Variants in SYTL5 observed in about 807,000 individuals in gnomAD.
SYTL5 encodes synaptotagmin like 5.
SYTL5 carries 34 observed loss-of-function variants against 55.9 expected under a neutral mutation model. The observed-to-expected ratio is 0.61, with a 90% confidence interval of 0.46 to 0.81. The LOEUF (loss-of-function observed/expected upper bound fraction) is 0.81. Ranked by LOEUF, SYTL5 falls within the 30% of genes least tolerant of loss-of-function variation. The probability of loss-of-function intolerance (pLI) is 0.00; values close to 1 mark genes in which losing one functional copy is unlikely to be tolerated. For synonymous variants in SYTL5, 221 were observed against 188.7 expected (o/e 1.17, Z -1.40); for missense variants, 637 against 546.7 (o/e 1.17, Z -1.65).
intron 5 of SYTL5, among the ~76,000 whole-genome samples, chrX:38,074,113 A>G (rs1332831309): frequency 8.9e-6 from 1 of 111,790 alleles, no homozygotes; most frequent in Non-Finnish European, 1.9e-5. Flanking sequence ...AGCTTAAAGC[A>G]CCATATTCCC....
chrX:37,964,240 C>T, the SYTL5 span, among the ~76,000 whole-genome samples: 1 of 111,749 alleles, frequency 8.9e-6, no homozygotes, highest in African/African-American at 3.3e-5. Context: ...AGAGAGCAGA[C>T]CTTCACTAGA....
At chrX:37,925,120 G>A in the SYTL5 span, among the ~76,000 whole-genome samples, 2 of 111,209 alleles carry the variant, frequency 1.8e-5, no homozygotes, top group African/African-American at 6.5e-5. Flanking sequence ...AATATGTGCT[G>A]TTTGTCTTCT....
intron 14 of SYTL5, among the ~76,000 whole-genome samples, chrX:38,121,068 T>C (rs900919775): frequency 3.2e-4 from 35 of 111,006 alleles, no homozygotes; most frequent in African/African-American, 1.1e-3. Context: ...TGGCAGAAGG[T>C]GAAGGTGGAG....
chrX:38,102,236 T>G lies in SYTL5; in HGVS notation c.1063-106T>G, dbSNP rs1937103980. ...GGAATGGAGTGATTTCTAGAAATTT[T>G]TTATCTGATTCTCAAATATTTATGA... On this transcript the variant is annotated intron_variant, in intron 9 of 16. Coordinates refer to ENST00000297875, the MANE Select transcript of SYTL5 (RefSeq NM_138780.3). 4 of 516,049 alleles carry G rather than the reference T, an allele frequency of 7.8e-6. No individual in the cohort carries two copies. The Admixed American group carries it at 1.3e-4, about 17-fold the overall frequency. The allele number at this position is 516,049 out of a possible 1,213,427, so 42.5% of individuals were successfully genotyped here.
At chrX:37,973,108 C>A in the SYTL5 span, among the ~76,000 whole-genome samples, 1 of 110,911 alleles carries the variant, frequency 9.0e-6, no homozygotes, top group South Asian at 3.8e-4. Flanking sequence ...ATAGACTTTG[C>A]AGGGGAATTT....
chrX:38,068,433 T>C (rs370140980), intron 3 of SYTL5, among the ~76,000 whole-genome samples: 3 of 112,164 alleles, frequency 2.7e-5, no homozygotes, highest in Admixed American at 1.9e-4. Context: ...ACTGGGTATA[T>C]ACCCAAAGGA....
Position 38,128,376 on chromosome X carries a change from T to A in SYTL5, c.*1646T>A, listed in dbSNP as rs1937718144. On this transcript the variant is annotated 3_prime_UTR_variant, in exon 17 of 17. Coordinates refer to ENST00000297875, the MANE Select transcript of SYTL5 (RefSeq NM_138780.3). The stretch of plus-strand genomic sequence containing the variant: ...GAAATTTGGAGCAGAGTCTGATTAC[T>A]TGAGCATGAACATACCCGACCAAGG... 2 of 111,726 alleles carry A rather than the reference T, an allele frequency of 1.8e-5. No homozygotes were observed. The highest frequency in any genetic ancestry group is 7.5e-4 in the South Asian group (2 of 2,662). The allele number at this position is 111,726 out of a possible 1,213,427, so 9.2% of individuals were successfully genotyped here.
chrX:37,895,336 A>G, the SYTL5 span, among the ~76,000 whole-genome samples: 1 of 111,477 alleles, frequency 9.0e-6, no homozygotes, highest in Non-Finnish European at 1.9e-5. Context: ...GCTGGGGACA[A>G]TAATATCTAC....
the SYTL5 span, among the ~76,000 whole-genome samples, chrX:37,957,190 T>C: frequency 8.9e-6 from 1 of 111,922 alleles, no homozygotes; most frequent in African/African-American, 3.2e-5. Flanking sequence ...ATTCGCCCCT[T>C]ATCAGATATA....
chrX:37,989,420 G>A, the SYTL5 span, among the ~76,000 whole-genome samples: 1 of 112,030 alleles, frequency 8.9e-6, no homozygotes, highest in African/African-American at 3.2e-5. Flanking sequence ...GAAGCAGGCT[G>A]ATAAAACTAC....
At chrX:38,084,457 T>G (rs1364807292) in intron 6 of SYTL5, among the ~76,000 whole-genome samples, 2 of 111,925 alleles carry the variant, frequency 1.8e-5, no homozygotes, top group African/African-American at 3.2e-5. Context: ...AAGCCCGGAC[T>G]TGTGACTGGT....
At chrX:38,050,326 A>G (rs1247439049) in intron 2 of SYTL5, among the ~76,000 whole-genome samples, 1 of 112,109 alleles carries the variant, frequency 8.9e-6, no homozygotes, top group Non-Finnish European at 1.9e-5. Flanking sequence ...TGTCTATGTG[A>G]TGATAAAGCA....
At chrX:38,009,733 C>T (rs1934114399) in intron 1 of SYTL5, among the ~76,000 whole-genome samples, 2 of 111,276 alleles carry the variant, frequency 1.8e-5, no homozygotes, top group Non-Finnish European at 3.8e-5. Flanking sequence ...TTTTTCTAAG[C>T]CCCAGAATCA....
intron 2 of SYTL5, among the ~76,000 whole-genome samples, chrX:38,048,718 A>G (rs1042956156): frequency 4.5e-5 from 5 of 110,476 alleles, no homozygotes; most frequent in Non-Finnish European, 9.4e-5. Context: ...ATGGCACAGG[A>G]AAGACCCACC....
intron 15 of SYTL5, among the ~76,000 whole-genome samples, chrX:38,122,559 G>T (rs1937582908): frequency 8.9e-6 from 1 of 111,974 alleles, no homozygotes; most frequent in African/African-American, 3.2e-5. Flanking sequence ...ATTTTGTCCT[G>T]GCAATATGCA....
chrX:38,063,360 A>T (rs180877031), intron 3 of SYTL5, among the ~76,000 whole-genome samples: 59 of 112,003 alleles, frequency 5.3e-4, no homozygotes, highest in Non-Finnish European at 2.8e-4. Context: ...TCAATTATAT[A>T]CAAGTGCCTC....
At chrX:38,029,113 T>TA (rs774388908) in intron 1 of SYTL5, among the ~76,000 whole-genome samples, 1 of 112,413 alleles carries the variant, frequency 8.9e-6, no homozygotes, top group East Asian at 2.8e-4. Flanking sequence ...ATTAGTGCTC[T>TA]AAGAAAAACC....
At chrX:38,048,317 G>T (rs1935530702) in intron 2 of SYTL5, among the ~76,000 whole-genome samples, 1 of 109,452 alleles carries the variant, frequency 9.1e-6, no homozygotes, top group Non-Finnish European at 1.9e-5. Context: ...CCATTCAACA[G>T]GTCTCTAGGG....
the SYTL5 span, chrX:37,991,371 C>T: frequency 1.2e-4 from 96 of 797,714 alleles, no homozygotes; most frequent in African/African-American, 8.0e-4. Flanking sequence ...GTCTGTAAGA[C>T]ATCCAGGGGA....
Sources: allele counts gnomAD v4.1 joint callset (sites outside exome capture counted in the v4.1 genomes callset), GRCh38; gene constraint gnomAD v4.1.1; transcripts MANE v1.5; gene names NCBI Gene and HGNC (gene_info 2026-07-23, HGNC 2026-07-21).